Variants in CTSE observed in about 807,000 individuals in gnomAD.
The protein encoded by CTSE is cathepsin E.
A neutral mutation model predicts 42.8 loss-of-function variants in CTSE; 43 were observed. The ratio of observed to expected loss-of-function variants is 1.01; its 90% CI spans 0.79 to 1.30. The LOEUF is 1.30. Ranked by LOEUF, CTSE falls within the 50% of genes most tolerant of loss-of-function variation. CTSE has a pLI of 0.00. For missense variants in CTSE, 532 were observed against 493.5 expected, an observed-to-expected ratio of 1.08 and a Z score of -0.74; for synonymous variants, 205 against 191.5, an observed-to-expected ratio of 1.07 and a Z score of -0.58.
At chr1:206,010,504 A>G (rs1661062920) in intron 8 of CTSE, among the ~76,000 whole-genome samples, 157 bp from the exon 9 acceptor site, 1 of 151,978 alleles carries the variant, frequency 6.6e-6, no homozygotes, top group Admixed American at 6.6e-5. Context: ...CTCCTGCTTC[A>G]TATGTCCCTA....
chr1:206,014,011 C>T (rs150820659), intron 5 of CTSE, 117 bp from the exon 6 acceptor site: 1 of 1,142,764 alleles, frequency 8.8e-7, no homozygotes, highest in Non-Finnish European at 1.3e-6. Flanking sequence ...TAGGCAGAAA[C>T]ATCAGTCTGG....
At position 206,010,285 on chromosome 1, in the gene CTSE, T is replaced by G. The variant is rs1553276759; in HGVS notation, c.1089A>C (p.Pro363=). 6 of 1,613,778 alleles carry G rather than the reference T, an allele frequency of 3.7e-6. No individual in the cohort carries two copies. Among genetic ancestry groups the G allele is most frequent in the Non-Finnish European group, 5.1e-6 (6 of 1,179,820 alleles). The change falls in exon 9 of 9, where the codon CCA becomes CCC. Residue 363 remains proline, a synonymous_variant. Transcript: ENST00000358184. ...SGFQGLDIHP[P]AGPLWILGDV... ...CCCCCAGGATCCAGAGGGGCCCAGC[T>G]GGAGGGTGGATGTCAAGTCCTTGAA...
intron 5 of CTSE, among the ~76,000 whole-genome samples, chr1:206,015,645 A>G (rs190847546): frequency 4.1e-4 from 63 of 152,160 alleles, no homozygotes; most frequent in Admixed American, 1.5e-3. Context: ...TAATCAGCAT[A>G]TAATAGGAGC....
In CTSE at chr1:206,009,966, A is replaced by G. The variant is rs1661036960; in HGVS notation, c.*217T>C. 1 of 526,584 alleles carries G rather than the reference A, an allele frequency of 1.9e-6. No homozygotes were observed. The allele number at this position is 526,584 out of a possible 1,614,324, so 32.6% of individuals were successfully genotyped here. ...GAATGTATAACGTAATTCCTCCATC[A>G]TGACGGTGGTGGGAGTGGTGTGTAT... is the stretch of plus-strand genomic sequence containing the variant. On this transcript the variant is annotated 3_prime_UTR_variant, in exon 9 of 9. Coordinates refer to ENST00000358184, the MANE Select transcript of CTSE (RefSeq NM_001910.4).
intron 4 of CTSE, among the ~76,000 whole-genome samples, chr1:206,020,088 G>A (rs1661373424): frequency 6.9e-6 from 1 of 144,132 alleles, no homozygotes; most frequent in Non-Finnish European, 1.5e-5. Context: ...ACTTTAATAT[G>A]TTACATATTG....
At chr1:206,021,208 A>C in intron 3 of CTSE, 41 bp from the exon 4 acceptor site, 1 of 1,483,416 alleles carries the variant, frequency 6.7e-7, no homozygotes, top group African/African-American at 1.4e-5. Context: ...CCATCGGCTC[A>C]CTGGCTGCAT....
intron 4 of CTSE, among the ~76,000 whole-genome samples, chr1:206,020,285 G>A (rs962391404): frequency 6.6e-5 from 10 of 151,744 alleles, no homozygotes; most frequent in African/African-American, 1.7e-4. Flanking sequence ...CATAGATGGT[G>A]TTTTTCTGCT....
intron 8 of CTSE, 132 bp from the exon 9 acceptor site, chr1:206,010,479 G>A: frequency 1.3e-6 from 1 of 751,064 alleles, no homozygotes; most frequent in Non-Finnish European, 2.4e-6. Context: ...CACCATTTTG[G>A]TCGGTGGGTT....
At chr1:206,010,884 A>G (rs1308201495) in intron 8 of CTSE, among the ~76,000 whole-genome samples, 1 of 152,048 alleles carries the variant, frequency 6.6e-6, no homozygotes, top group Non-Finnish European at 1.5e-5. Context: ...GAAGAGTGTC[A>G]CCTTCTCCAA....
chr1:206,020,993 G>A, intron 4 of CTSE, 56 bp downstream of exon 4: 1 of 1,284,606 alleles, frequency 7.8e-7, no homozygotes. Flanking sequence ...TAAGACCTCT[G>A]AATAAGTCTC....
intron 8 of CTSE, among the ~76,000 whole-genome samples, chr1:206,010,629 TC>T (rs1661067857): frequency 6.6e-6 from 1 of 152,138 alleles, no homozygotes. Context: ...CCTACCCCTG[TC>T]ACCATCATTT....
At chr1:206,019,561 AGCTATAG>A (rs1190047925) in intron 4 of CTSE, among the ~76,000 whole-genome samples, 1 of 151,868 alleles carries the variant, frequency 6.6e-6, no homozygotes, top group African/African-American at 2.4e-5. Flanking sequence ...ATACGTGACA[AGCTATAG>A]GCTTGAATTC....
At chr1:206,021,218 TC>T in intron 3 of CTSE, 51 bp from the exon 4 acceptor site, 1 of 1,417,136 alleles carries the variant, frequency 7.1e-7, no homozygotes, top group Admixed American at 1.7e-5. Flanking sequence ...ACTGGCTGCA[TC>T]CCTGCCCTAA....
intron 5 of CTSE, 104 bp downstream of exon 5, chr1:206,015,827 G>C: frequency 1.0e-6 from 1 of 973,536 alleles, no homozygotes; most frequent in Non-Finnish European, 1.6e-6. Flanking sequence ...GCTGGTAATG[G>C]ACCAAGCTAC....
intron 4 of CTSE, among the ~76,000 whole-genome samples, chr1:206,016,669 C>T (rs1661273524): frequency 6.6e-6 from 1 of 152,078 alleles, no homozygotes; most frequent in South Asian, 2.1e-4. Context: ...TTCATATGAC[C>T]TGGCACTATT....
At position 206,012,127 on chromosome 1, in the gene CTSE, G is replaced by A. The variant is rs990032889; in HGVS notation, c.1026+181C>T. ...ATGGCAGAACTGGAAATTAGAGCAA[G>A]CCCCGTGGTCTTTCCACCACAGGCA... On this transcript the variant is annotated intron_variant, in intron 8 of 8. Coordinates refer to ENST00000358184, the MANE Select transcript of CTSE (RefSeq NM_001910.4). 8.5e-5 allele frequency among the ~76,000 whole-genome samples: 13 copies of A among 152,216 alleles called. No individual in the cohort carries two copies. The East Asian group carries it at 2.5e-3, about 29-fold the overall frequency.
At chr1:206,013,719 G>C in intron 6 of CTSE, 53 bp downstream of exon 6, 1 of 1,585,314 alleles carries the variant, frequency 6.3e-7, no homozygotes, top group Non-Finnish European at 8.6e-7. Context: ...TTTGAGTTGT[G>C]CCTCTTTTCA....
Position 206,015,952 on chromosome 1 carries a change from A to G in CTSE, c.641T>C (p.Met214Thr). 5.6e-6 allele frequency: 9 copies of G among 1,613,928 alleles called. No homozygotes were observed. The highest frequency in any genetic ancestry group is 3.3e-4 in the Middle Eastern group (2 of 6,062). Residue 214 changes from methionine to threonine, a missense_variant, in exon 5 of 9, where the codon ATG becomes ACG. By Grantham distance (81) the Met-to-Thr change is moderately conservative (BLOSUM62 -1). Transcript: ENST00000358184. ...MMAQNLVDLP[M>T]FSVYMSSNPE... The stretch of plus-strand genomic sequence containing the variant: ...TTACCTGCTCATGTAGACAGAAAAC[A>G]TCGGCAAGTCCACCAGGTTCTGAGC...
intron 6 of CTSE, 87 bp from the exon 7 acceptor site, chr1:206,012,736 G>T: frequency 6.9e-7 from 1 of 1,445,414 alleles, no homozygotes; most frequent in Admixed American, 1.9e-5. Flanking sequence ...CAAATGCCTG[G>T]AGCACATCAA....
Sources: gnomAD v4.1 joint callset for allele counts (sites outside exome capture counted in the v4.1 genomes callset) on GRCh38, gnomAD v4.1.1 for gene constraint, MANE v1.5 for transcripts, NCBI Gene and HGNC (gene_info 2026-07-23, HGNC 2026-07-21) for gene names.